Variants in ADARB2 observed in about 807,000 individuals in gnomAD.
The protein encoded by ADARB2 is inactive double-stranded RNA-specific editase B2.
A neutral mutation model predicts 62.2 loss-of-function variants in ADARB2; 25 were observed. That is an observed-to-expected ratio of 0.40 (90% CI 0.29 to 0.56). ADARB2 has a LOEUF of 0.56. ADARB2 is among the 20% of genes least tolerant of loss of function. The pLI is 0.43. For synonymous variants in ADARB2, 572 were observed against 500.8 expected (o/e 1.14, Z -1.90); for missense variants, 1,071 against 1,077.4 (o/e 0.99, Z 0.08).
Position 1,395,209 on chromosome 10 carries a change from G to A in ADARB2, c.101-16049C>T, listed in dbSNP as rs143894407. Among the ~76,000 whole-genome samples the A allele has an allele frequency of 5.1e-4, 78 of 152,276 alleles. No individual in the cohort carries two copies. In the East Asian group the frequency reaches 0.012, roughly 24 times the overall value. On this transcript the variant is annotated intron_variant, in intron 1 of 9. Transcript: ENST00000381312. The stretch of plus-strand genomic sequence containing the variant: ...ATTTTTTATTCTCCAAGCCTAATCT[G>A]TTCTTTCTGAATTCACTGCTCAGAG...
intron 5 of ADARB2, among the ~76,000 whole-genome samples, chr10:1,234,851 C>T (rs550099976): frequency 1.5e-5 from 2 of 133,522 alleles, no homozygotes; most frequent in South Asian, 2.5e-4. Context: ...TGGGTTCAAA[C>T]GATTCTCCTG....
At chr10:1,518,453 T>C (rs1337867832) in intron 1 of ADARB2, among the ~76,000 whole-genome samples, 1 of 152,186 alleles carries the variant, frequency 6.6e-6, no homozygotes, top group African/African-American at 2.4e-5. Flanking sequence ...CACTCCAAGC[T>C]CCTGGAAACA....
intron 1 of ADARB2, among the ~76,000 whole-genome samples, chr10:1,585,844 C>T (rs1833169470): frequency 6.6e-6 from 1 of 152,118 alleles, no homozygotes. Context: ...ACCATCCTGG[C>T]TAACACGGTG....
At chr10:1,429,373 C>T (rs938642161) in intron 1 of ADARB2, among the ~76,000 whole-genome samples, 2 of 152,156 alleles carry the variant, frequency 1.3e-5, no homozygotes, top group East Asian at 3.9e-4. Context: ...ATAAAACGCT[C>T]ATCACTCAAA....
At chr10:1,408,479 C>T (rs995408324) in intron 1 of ADARB2, among the ~76,000 whole-genome samples, 1 of 152,050 alleles carries the variant, frequency 6.6e-6, no homozygotes, top group African/African-American at 2.4e-5. Context: ...AATAGCTGAG[C>T]GAAAGGGAGT....
chr10:1,246,339 T>C (rs1733311994), intron 4 of ADARB2, among the ~76,000 whole-genome samples: 1 of 144,200 alleles, frequency 6.9e-6, no homozygotes, highest in Admixed American at 6.9e-5. Flanking sequence ...CTCTTTAGTT[T>C]AGTTAGATCC....
chr10:1,513,141 A>G (rs1023692534), intron 1 of ADARB2, among the ~76,000 whole-genome samples: 1 of 152,244 alleles, frequency 6.6e-6, no homozygotes, highest in African/African-American at 2.4e-5. Flanking sequence ...TGTAGTGTTC[A>G]TTTCACTATT....
At chr10:1,621,613 A>G (rs748480384) in intron 1 of ADARB2, among the ~76,000 whole-genome samples, 1 of 152,144 alleles carries the variant, frequency 6.6e-6, no homozygotes, top group Non-Finnish European at 1.5e-5. Context: ...ATGAGTTTTC[A>G]CTGTGTTAGG....
chr10:1,323,113 T>A (rs186697206), intron 3 of ADARB2, among the ~76,000 whole-genome samples: 5 of 152,338 alleles, frequency 3.3e-5, no homozygotes, highest in Admixed American at 6.5e-5. Flanking sequence ...AAGCCCTTTT[T>A]GTTTTGTGAA....
In ADARB2 at chr10:1,426,923, C is replaced by T. The variant is rs1034611074; in HGVS notation, c.101-47763G>A. ...CAGTTGTGAAAGAGCCGGAGGACCC[C>T]TGTCCCCAAACCCTGCCCATCGGGA... is the stretch of plus-strand genomic sequence containing the variant. On this transcript the variant is annotated intron_variant, in intron 1 of 9. Transcript: ENST00000381312. This position sits in a 1 kb window ranked among gnomAD's most constrained non-coding sequence, Gnocchi z 4.1. Among the ~76,000 whole-genome samples the T allele has an allele frequency of 6.6e-6, 1 of 152,274 alleles. No homozygotes were observed. The highest frequency in any genetic ancestry group is 1.5e-5 in the Non-Finnish European group (1 of 68,052).
chr10:1,557,207 C>T (rs1804273412), intron 1 of ADARB2, among the ~76,000 whole-genome samples: 1 of 145,500 alleles, frequency 6.9e-6, no homozygotes. Flanking sequence ...TGTGTCCAGT[C>T]CATGGTGCCC....
intron 3 of ADARB2, among the ~76,000 whole-genome samples, chr10:1,289,715 A>T (rs1289027868): frequency 6.6e-6 from 1 of 152,220 alleles, no homozygotes; most frequent in Non-Finnish European, 1.5e-5. Flanking sequence ...CATACCACGC[A>T]TTGCTGCTGG....
intron 1 of ADARB2, among the ~76,000 whole-genome samples, chr10:1,615,454 C>T (rs1874998): frequency 0.14 from 20,918 of 152,238 alleles, 1,695 homozygotes; most frequent in South Asian, 0.3. Context: ...CCAGGATGCG[C>T]GGTATGGTGG....
At chr10:1,650,716 G>A (rs1053117762) in intron 1 of ADARB2, among the ~76,000 whole-genome samples, 2 of 152,152 alleles carry the variant, frequency 1.3e-5, no homozygotes, top group Admixed American at 6.5e-5. Flanking sequence ...TTCTCTGTCC[G>A]CCCACTGCAG....
At chr10:1,733,208 C>T (rs1835255727) in intron 1 of ADARB2, among the ~76,000 whole-genome samples, 1 of 152,226 alleles carries the variant, frequency 6.6e-6, no homozygotes, top group Middle Eastern at 3.2e-3. Context: ...TTCTAAAACC[C>T]CAGCCTCCAA....
chr10:1,314,371 A>G (rs184580191), intron 3 of ADARB2, among the ~76,000 whole-genome samples: 245 of 151,528 alleles, frequency 1.6e-3, no homozygotes, highest in African/African-American at 5.8e-3. Flanking sequence ...GCAAAGCCAG[A>G]CAGACTATAG....
chr10:1,245,267 C>T (rs973907626), intron 4 of ADARB2, among the ~76,000 whole-genome samples: 1 of 152,136 alleles, frequency 6.6e-6, no homozygotes, highest in African/African-American at 2.4e-5. Flanking sequence ...AGAAAATGTG[C>T]TTGAGTACCA....
intron 1 of ADARB2, among the ~76,000 whole-genome samples, chr10:1,419,583 C>G (rs72762978): frequency 6.6e-6 from 1 of 152,048 alleles, no homozygotes; most frequent in Non-Finnish European, 1.5e-5. Flanking sequence ...CCCAGAGGGA[C>G]GGTAAGCCCA....
intron 5 of ADARB2, among the ~76,000 whole-genome samples, chr10:1,241,537 G>C (rs117636134): frequency 0.011 from 1,733 of 152,320 alleles, 13 homozygotes; most frequent in Middle Eastern, 0.017. Context: ...CTGGGGGTGT[G>C]TCGCGGAGGC....
Sources: allele counts gnomAD v4.1 joint callset (sites outside exome capture counted in the v4.1 genomes callset), GRCh38; gene constraint gnomAD v4.1.1; non-coding constraint Gnocchi (gnomAD v3.1); transcripts MANE v1.5; gene names NCBI Gene and HGNC (gene_info 2026-07-23, HGNC 2026-07-21).